The following LDHAL6A variants were observed in gnomAD, a reference collection of about 807,000 sequenced individuals.
LDHAL6A encodes the protein lactate dehydrogenase A like 6A.
In LDHAL6A, 19 loss-of-function variants were observed where a neutral mutation model predicts 28.2. The observed-to-expected ratio is 0.67, with a 90% CI of 0.47 to 0.99. LDHAL6A has a LOEUF of 0.99. Among genes scored for constraint, LDHAL6A ranks in the 50% least tolerant of loss-of-function variants. The pLI is 0.00. For synonymous variants in LDHAL6A, 144 were observed against 134.4 expected, an observed-to-expected ratio of 1.07 and a Z score of -0.49; for missense variants, 372 against 398.6, an observed-to-expected ratio of 0.93 and a Z score of 0.57.
At chr11:18,468,283 A>G (rs973567679) in intron 3 of LDHAL6A, 3 of 149,706 alleles carry the variant, frequency 2.0e-5, no homozygotes, top group Non-Finnish European at 3.0e-5. Context: ...TGAAGTGTGA[A>G]TGTCTTTCAG....
At position 18,462,202 on chromosome 11, in the gene LDHAL6A, A is replaced by G. The variant is rs1427641697; in HGVS notation, c.127-1759A>G. 3.9e-5 allele frequency among the ~76,000 whole-genome samples: 6 copies of G among 152,104 alleles called. No individual in the cohort carries two copies. The East Asian group carries it at 5.8e-4, about 15-fold the overall frequency. On this transcript the variant is annotated intron_variant, in intron 1 of 6. Coordinates refer to ENST00000280706, the MANE Select transcript of LDHAL6A (RefSeq NM_144972.5). ...ACAAAAAGTAAAAGTAAAATTCAGA[A>G]AGATACATACAAGGCCGGGCGCGGA...
chr11:18,462,530 G>C (rs1312165690), intron 1 of LDHAL6A, among the ~76,000 whole-genome samples: 1 of 151,388 alleles, frequency 6.6e-6, no homozygotes, highest in African/African-American at 2.4e-5. Flanking sequence ...CCAGCTACTC[G>C]GGAGGCTGAG....
Position 18,477,461 on chromosome 11 carries a change from AAAAG to A in LDHAL6A, c.711-156_711-153del, listed in dbSNP as rs1416146314. Among the ~76,000 whole-genome samples the A allele has an allele frequency of 4.6e-5, 7 of 152,018 alleles. No homozygotes were observed. The East Asian group carries it at 1.4e-3, about 29-fold the overall frequency. ...GTGACAGAGCAAGACTTAAAAAAAAAAAAGAAGAAAGAAAAAATGCATACATACT... is the reference window on the plus strand; with the variant it reads ...GTGACAGAGCAAGACTTAAAAAAAAAAAGAAAGAAAAAATGCATACATACT... On this transcript the variant is annotated intron_variant, in intron 5 of 6. Coordinates refer to ENST00000280706, the MANE Select transcript of LDHAL6A (RefSeq NM_144972.5).
intron 5 of LDHAL6A, 77 bp from the exon 6 acceptor site, chr11:18,477,543 T>G: frequency 7.4e-7 from 1 of 1,360,140 alleles, no homozygotes; most frequent in Non-Finnish European, 1.0e-6. Flanking sequence ...TGTGGCATTG[T>G]TAGATACATT....
Position 18,476,482 on chromosome 11 carries a change from C to T in LDHAL6A, c.691C>T (p.His231Tyr), listed in dbSNP as rs1176407872. The change falls in exon 5 of 7, where the codon CAC becomes TAC. Residue 231 changes from histidine to tyrosine, a missense_variant. His to Tyr is a moderately conservative substitution (Grantham distance 83). Transcript: ENST00000280706. ...AGATCCTGAGCAGTGGGAAAATGTC[C>T]ACAAAAAAGTGATTTCCAGGTAATA... Reference protein sequence around the residue: ...DKDPEQWENVHKKVISSGYEM... With the variant: ...DKDPEQWENVYKKVISSGYEM... The T allele has an allele frequency of 6.2e-7, 1 of 1,612,638 alleles. No individual in the cohort carries two copies. Among genetic ancestry groups the T allele is most frequent in the Non-Finnish European group, 8.5e-7 (1 of 1,179,580 alleles).
intron 6 of LDHAL6A, among the ~76,000 whole-genome samples, chr11:18,478,096 G>A (rs1187379338): frequency 6.6e-6 from 1 of 152,170 alleles, no homozygotes; most frequent in African/African-American, 2.4e-5. Flanking sequence ...GTCCAATGAT[G>A]AGATCTAAGA....
chr11:18,471,410 A>G lies in LDHAL6A; in HGVS notation c.419-4056A>G, dbSNP rs926323223. Among the ~76,000 whole-genome samples, 5 of 151,596 alleles carry G rather than the reference A, an allele frequency of 3.3e-5. No individual in the cohort carries two copies. The South Asian group carries it at 1.0e-3, about 32-fold the overall frequency. ...TTTTCAGTAGAGCTGGAGTTTTGCCATGTTGCCCAGGCTGGTCTTGAACTC... is the reference window on the plus strand; with the variant it reads ...TTTTCAGTAGAGCTGGAGTTTTGCCGTGTTGCCCAGGCTGGTCTTGAACTC... On this transcript the variant is annotated intron_variant, in intron 3 of 6. Coordinates refer to ENST00000280706, the MANE Select transcript of LDHAL6A (RefSeq NM_144972.5).
chr11:18,466,562 G>A (rs919029857), intron 3 of LDHAL6A, among the ~76,000 whole-genome samples: 2 of 151,230 alleles, frequency 1.3e-5, no homozygotes, highest in East Asian at 3.9e-4. Flanking sequence ...GCTGAGGCGG[G>A]AGGATTGCTT....
rs5790038 is a variant in LDHAL6A at position 18,465,426 on chromosome 11, G to GTT, written c.245-195_245-194dup. On this transcript the variant is annotated intron_variant, in intron 2 of 6. Transcript: ENST00000280706. ...GGGTGAGCCACTGCACATGACTTAC[G>GTT]TTTTTTTTTTTTTTTTTATTATTAA... Among the ~76,000 whole-genome samples, 986 of 140,002 alleles carry GTT rather than the reference G, an allele frequency of 7.0e-3. 10 individuals are homozygous for GTT. The highest frequency in any genetic ancestry group is 0.021 in the African/African-American group (819 of 38,906). 91.8% of individuals were successfully genotyped at this position (140,002 alleles called of 152,430 possible).
chr11:18,475,678 T>C (rs1849359095), intron 4 of LDHAL6A, 39 bp downstream of exon 4: 1 of 1,552,950 alleles, frequency 6.4e-7, no homozygotes, highest in Non-Finnish European at 8.8e-7. Flanking sequence ...AAATATCTAT[T>C]TCCTATCAAT....
At chr11:18,464,360 A>G (rs547428065) in intron 2 of LDHAL6A, among the ~76,000 whole-genome samples, 14 of 152,216 alleles carry the variant, frequency 9.2e-5, no homozygotes, top group African/African-American at 3.1e-4. Context: ...AGCACTTTAT[A>G]TAATTTAATC....
At chr11:18,465,417 A>G (rs1274769511) in intron 2 of LDHAL6A, among the ~76,000 whole-genome samples, 2 of 135,026 alleles carry the variant, frequency 1.5e-5, no homozygotes, top group Non-Finnish European at 3.1e-5. Context: ...GCCACTGCAC[A>G]TGACTTACGT....
In LDHAL6A at chr11:18,477,688, C is replaced by T; in HGVS notation, c.779C>T (p.Thr260Ile). ...WGISLSVADL[T>I]ESILKNLRRV... is the part of the protein sequence containing the mutation. Reference sequence around the variant, plus strand: ...ATTAGCCTATCTGTAGCTGATTTAACAGAAAGTATTTTGAAGAATCTTAGG... The same window carrying T: ...ATTAGCCTATCTGTAGCTGATTTAATAGAAAGTATTTTGAAGAATCTTAGG... The change falls in exon 6 of 7, where the codon ACA (threonine) becomes ATA (isoleucine). Residue 260 changes from threonine (T) to isoleucine (I), a missense_variant. Around this residue, in one of 3 missense-constraint regions of LDHAL6A, gnomAD observed 291 missense variants for 302.9 expected, o/e 0.96. Coordinates refer to ENST00000280706, the MANE Select transcript of LDHAL6A (RefSeq NM_144972.5). The T allele has an allele frequency of 6.2e-7, 1 of 1,613,168 alleles. No homozygotes were observed. Among genetic ancestry groups the T allele is most frequent in the Non-Finnish European group, 8.5e-7 (1 of 1,179,522 alleles).
At chr11:18,461,208 G>A (rs1052769422) in intron 1 of LDHAL6A, among the ~76,000 whole-genome samples, 19 of 150,912 alleles carry the variant, frequency 1.3e-4, no homozygotes, top group African/African-American at 4.4e-4. Context: ...GCAGTGGCGC[G>A]ATCATGGCTC....
At chr11:18,456,839 C>T in intron 1 of LDHAL6A, 33 bp downstream of exon 1, 1 of 1,596,246 alleles carries the variant, frequency 6.3e-7, no homozygotes. Flanking sequence ...CAGGGTTCAC[C>T]TCAGTTGGAG....
chr11:18,477,997 AACT>A (rs1849432931), intron 6 of LDHAL6A, among the ~76,000 whole-genome samples: 1 of 152,200 alleles, frequency 6.6e-6, no homozygotes, highest in South Asian at 2.1e-4. Context: ...TAACTAAGTG[AACT>A]GATTCTACCA....
chr11:18,477,792 G>T, intron 6 of LDHAL6A, 49 bp downstream of exon 6: 1 of 1,535,912 alleles, frequency 6.5e-7, no homozygotes. Flanking sequence ...AAAATAGGGG[G>T]GTAAAGAACA....
intron 3 of LDHAL6A, among the ~76,000 whole-genome samples, chr11:18,469,723 C>T (rs1849211945): frequency 6.6e-6 from 1 of 152,136 alleles, no homozygotes; most frequent in Admixed American, 6.6e-5. Flanking sequence ...TGAAGAAAGT[C>T]TTCTCCATTA....
intron 3 of LDHAL6A, among the ~76,000 whole-genome samples, chr11:18,467,970 T>C (rs1341490995): frequency 2.6e-5 from 1 of 38,126 alleles, no homozygotes; most frequent in African/African-American, 1.6e-4. Flanking sequence ...TATATATACG[T>C]ATATATATAC....
Sources: allele counts gnomAD v4.1 joint callset (sites outside exome capture counted in the v4.1 genomes callset), GRCh38; gene constraint gnomAD v4.1.1; regional missense constraint gnomAD v4.1.1; transcripts MANE v1.5; gene names NCBI Gene and HGNC (gene_info 2026-07-23, HGNC 2026-07-21).